The following UBQLN3 variants were observed in gnomAD, a reference collection of about 807,000 sequenced individuals.
UBQLN3 encodes ubiquilin 3.
In UBQLN3, 1 loss-of-function variant was observed where a neutral mutation model predicts 2.9. The ratio of observed to expected loss-of-function variants is 0.35; its 90% CI spans 0.12 to 1.66. The LOEUF is 1.66. Ranked by LOEUF, UBQLN3 falls within the 40% of genes most tolerant of loss-of-function variation. UBQLN3 has a pLI of 0.35. For missense variants in UBQLN3, 924 were observed against 816.5 expected (o/e 1.13, Z -1.61); for synonymous variants, 358 against 317.6 (o/e 1.13, Z -1.35).
chr11:5,507,970 C>A lies in UBQLN3; in HGVS notation c.1589G>T (p.Gly530Val). Residue 530 changes from glycine to valine, a missense_variant, in exon 2 of 2, where the codon GGT (glycine) becomes GTT (valine). Coordinates refer to ENST00000311659, the MANE Select transcript of UBQLN3 (RefSeq NM_017481.4). ...ALQALRQIEQ[G>V]LQVLATEAPR... ...TGCTTCAGTAGCTAGGACCTGTAGA[C>A]CCTGCTCAATCTGCCGCAGGGCTTG... 1 of 1,614,044 alleles carries A rather than the reference C, an allele frequency of 6.2e-7. No homozygotes were observed. Among genetic ancestry groups the A allele is most frequent in the African/African-American group, 1.3e-5 (1 of 75,064 alleles).
rs750358038 is a variant in UBQLN3 at position 5,508,643 on chromosome 11, A to T, written c.916T>A (p.Trp306Arg). The T allele has an allele frequency of 6.2e-7, 1 of 1,613,980 alleles. No individual in the cohort carries two copies. The highest frequency in any genetic ancestry group is 2.2e-5 in the East Asian group (1 of 44,858). The change falls in exon 2 of 2, where the codon TGG (tryptophan) becomes AGG (arginine). Residue 306 changes from tryptophan (W) to arginine (R), a missense_variant. Trp to Arg is a moderately radical substitution (Grantham distance 101). Transcript: ENST00000311659. The surrounding 1 kb of genome is among the most constrained non-coding windows in gnomAD (Gnocchi z 4.2). ...CCTGAGCCTCCATGTGTGGAAGTCC[A>T]GGGGTTGGGGAGAGGGTCACAATTC... ...MENCDPLPNP[W>R]TSTHGGSGSR...
In UBQLN3 at chr11:5,508,758, G is replaced by T. The variant is rs139419565; in HGVS notation, c.801C>A (p.Asn267Lys). The T allele has an allele frequency of 3.7e-6, 6 of 1,613,960 alleles. No homozygotes were observed. The highest frequency in any genetic ancestry group is 3.3e-5 in the South Asian group (3 of 91,088). Residue 267 changes from asparagine (N) to lysine (K), a missense_variant, in exon 2 of 2, where the codon AAC becomes AAA. Transcript: ENST00000311659. The surrounding 1 kb of genome is among the most constrained non-coding windows in gnomAD (Gnocchi z 4.2). ...TGCCGCCAAACTGCTCCTGGACTGC[G>T]TTAAGCATTGGGTCCATAATATCTG... ...MYTDIMDPMLNAVQEQFGGNP... is the reference protein window; with the variant it reads ...MYTDIMDPMLKAVQEQFGGNP...
In UBQLN3 at chr11:5,507,430, A is replaced by T. The variant is rs1469482222; in HGVS notation, c.*161T>A. On this transcript the variant is annotated 3_prime_UTR_variant, in exon 2 of 2. Transcript: ENST00000311659. ...GCACCTCCACTATGTTTTGGCCATT[A>T]GTCTTCCTCGTTGACTCTGGAACAA... 1.4e-6 allele frequency: 2 copies of T among 1,394,912 alleles called. No individual in the cohort carries two copies. Among genetic ancestry groups the T allele is most frequent in the East Asian group, 2.5e-5 (1 of 39,878 alleles). 86.4% of individuals were successfully genotyped at this position (1,394,912 alleles called of 1,614,324 possible). A position where few individuals can be genotyped will look rare whatever the true frequency, so the allele number is the denominator to read the frequency against.
chr11:5,508,034 T>C lies in UBQLN3; in HGVS notation c.1525A>G (p.Met509Val). 6.2e-7 allele frequency: 1 copy of C among 1,614,066 alleles called. No homozygotes were observed. The highest frequency in any genetic ancestry group is 1.1e-5 in the South Asian group (1 of 91,082). ...DEIQPQLPLL[M>V]HLQAAMANPR... ...TTTGCCATGGCTGCCTGAAGGTGCA[T>C]CAGCAGTGGCAGCTGTGGTTGTATC... Residue 509 changes from methionine to valine, a missense_variant, in exon 2 of 2, where the codon ATG (methionine) becomes GTG (valine). Coordinates refer to ENST00000311659, the MANE Select transcript of UBQLN3 (RefSeq NM_017481.4). The surrounding 1 kb of genome is among the most constrained non-coding windows in gnomAD (Gnocchi z 4.2).
Position 5,507,333 on chromosome 11 carries a change from A to G in UBQLN3, c.*258T>C. The G allele has an allele frequency of 2.3e-6, 1 of 430,302 alleles. No homozygotes were observed. The highest frequency in any genetic ancestry group is 4.2e-5 in the Admixed American group (1 of 24,062). The allele number at this position is 430,302 out of a possible 1,614,324, so 26.7% of individuals were successfully genotyped here. On this transcript the variant is annotated 3_prime_UTR_variant, in exon 2 of 2. Coordinates refer to ENST00000311659, the MANE Select transcript of UBQLN3 (RefSeq NM_017481.4). ...GGAAATTGGGTGTAATTGCATCTCA[A>G]GATAGGCATAAGCAGAGCTTAGACT...
rs1846414322 is a variant in UBQLN3 at position 5,508,218 on chromosome 11, C to A, written c.1341G>T (p.Gly447=). The A allele has an allele frequency of 1.9e-6, 3 of 1,614,150 alleles. No individual in the cohort carries two copies. The highest frequency in any genetic ancestry group is 1.7e-5 in the Admixed American group (1 of 60,030). The change falls in exon 2 of 2, where the codon GGG becomes GGT. Residue 447 remains glycine, a synonymous_variant. Coordinates refer to ENST00000311659, the MANE Select transcript of UBQLN3 (RefSeq NM_017481.4). The surrounding 1 kb of genome is among the most constrained non-coding windows in gnomAD (Gnocchi z 4.2). ...HSTNLPDLVS[G]LGDSANRVPF... ...GAACCCTGTTGGCAGAATCTCCCAG[C>A]CCCGAGACAAGATCAGGCAAGTTTG... is the stretch of plus-strand genomic sequence containing the variant.
At position 5,509,232 on chromosome 11, in the gene UBQLN3, G is replaced by A. The variant is rs1207817780; in HGVS notation, c.327C>T (p.Thr109=). 28 of 1,614,042 alleles carry A rather than the reference G, an allele frequency of 1.7e-5. No homozygotes were observed. The South Asian group carries it at 2.6e-4, about 15-fold the overall frequency. ...GNECPAASVP[T]QGPSPGSLPQ... is the part of the protein sequence containing the mutation. Reference sequence around the variant, plus strand: ...GGAGTGATCCAGGACTTGGGCCCTGGGTAGGGACAGAGGCAGCTGGGCACT... The same window carrying A: ...GGAGTGATCCAGGACTTGGGCCCTGAGTAGGGACAGAGGCAGCTGGGCACT... Residue 109 remains threonine, a synonymous_variant, in exon 2 of 2, where the codon ACC becomes ACT. Transcript: ENST00000311659.
rs1846428167 is a variant in UBQLN3 at position 5,508,851 on chromosome 11, G to GC, written c.707dup (p.Ser236ArgfsTer8). 8 of 1,614,090 alleles carry GC rather than the reference G, an allele frequency of 5.0e-6. No individual in the cohort carries two copies. The highest frequency in any genetic ancestry group is 6.8e-6 in the Non-Finnish European group (8 of 1,180,056). On this transcript the variant is annotated frameshift_variant, in exon 2 of 2. Transcript: ENST00000311659. LOFTEE classifies it low-confidence loss of function (END_TRUNC). This position sits in a 1 kb window ranked among gnomAD's most constrained non-coding sequence, Gnocchi z 4.2. The stretch of plus-strand genomic sequence containing the variant: ...CCAAGTTACTGAGCACCCGGTCCTG[G>GC]CTACGTATCATCTCCTGCATCATGG...
In UBQLN3 at chr11:5,508,191, T is replaced by G; in HGVS notation, c.1368A>C (p.Pro456=). 2.5e-6 allele frequency: 4 copies of G among 1,614,114 alleles called. No individual in the cohort carries two copies. Among genetic ancestry groups the G allele is most frequent in the Non-Finnish European group, 3.4e-6 (4 of 1,180,022 alleles). Residue 456 remains proline (P), a synonymous_variant, in exon 2 of 2, where the codon CCA becomes CCC. Coordinates refer to ENST00000311659, the MANE Select transcript of UBQLN3 (RefSeq NM_017481.4). The surrounding 1 kb of genome is among the most constrained non-coding windows in gnomAD (Gnocchi z 4.2). Reference sequence around the variant, plus strand: ...TGGGGGAAAAAGATAAGGGAGCAAATGGAACCCTGTTGGCAGAATCTCCCA... The same window carrying G: ...TGGGGGAAAAAGATAAGGGAGCAAAGGGAACCCTGTTGGCAGAATCTCCCA... ...SGLGDSANRV[P]FAPLSFSPTA... is the part of the protein sequence containing the mutation.
chr11:5,509,442 GTCT>G lies in UBQLN3; in HGVS notation c.114_116del (p.Asp39del). ...CCTTCAGCTGCTGGATAGTGCATGT[GTCT>G]GTAACTGAGAAATCCTCCTTGTCTT... On this transcript the variant is annotated inframe_deletion, in exon 2 of 2. Coordinates refer to ENST00000311659, the MANE Select transcript of UBQLN3 (RefSeq NM_017481.4). 1 of 1,614,206 alleles carries G rather than the reference GTCT, an allele frequency of 6.2e-7. No homozygotes were observed. Among genetic ancestry groups the G allele is most frequent in the Non-Finnish European group, 8.5e-7 (1 of 1,180,006 alleles).
rs548262594 is a variant in UBQLN3, at chr11:5,509,241, A to T, written c.318T>A (p.Ser106=). The T allele has an allele frequency of 1.2e-6, 2 of 1,614,186 alleles. No homozygotes were observed. Among genetic ancestry groups the T allele is most frequent in the African/African-American group, 2.7e-5 (2 of 75,048 alleles). Residue 106 remains serine (S), a synonymous_variant, in exon 2 of 2, where the codon TCT becomes TCA. Transcript: ENST00000311659. Reference sequence around the variant, plus strand: ...CAGGACTTGGGCCCTGGGTAGGGACAGAGGCAGCTGGGCACTCATTGCCCA... The same window carrying T: ...CAGGACTTGGGCCCTGGGTAGGGACTGAGGCAGCTGGGCACTCATTGCCCA... ...RAMGNECPAA[S]VPTQGPSPGS...
chr11:5,509,035 G>A lies in UBQLN3; in HGVS notation c.524C>T (p.Pro175Leu). ...PEFVTQLIDD[P>L]FIPGLLSNTG... The stretch of plus-strand genomic sequence containing the variant: ...GTTGGACAGCAGACCCGGGATGAAG[G>A]GGTCATCAATGAGCTGAGTCACAAA... The change falls in exon 2 of 2, where the codon CCC (proline) becomes CTC (leucine). Residue 175 changes from proline (P) to leucine (L), a missense_variant. Pro to Leu is a moderately conservative substitution (Grantham distance 98). Coordinates refer to ENST00000311659, the MANE Select transcript of UBQLN3 (RefSeq NM_017481.4). The A allele has an allele frequency of 6.2e-7, 1 of 1,614,162 alleles. No homozygotes were observed. Among genetic ancestry groups the A allele is most frequent in the African/African-American group, 1.3e-5 (1 of 75,030 alleles).
In UBQLN3 at chr11:5,508,533, G is replaced by C. The variant is rs372983903; in HGVS notation, c.1026C>G (p.Leu342=). Residue 342 remains leucine, a synonymous_variant, in exon 2 of 2, where the codon CTC becomes CTG. Coordinates refer to ENST00000311659, the MANE Select transcript of UBQLN3 (RefSeq NM_017481.4). This position sits in a 1 kb window ranked among gnomAD's most constrained non-coding sequence, Gnocchi z 4.2. ...RFPNFLGIIR[L]YDYLQQLHEN... ...CGTGTAATTGCTGGAGATAGTCATA[G>C]AGCCTTATAATACCCAGAAAGTTTG... 11 of 1,614,004 alleles carry C rather than the reference G, an allele frequency of 6.8e-6. No individual in the cohort carries two copies. The highest frequency in any genetic ancestry group is 9.3e-6 in the Non-Finnish European group (11 of 1,180,022).
Position 5,508,789 on chromosome 11 carries a change from A to G in UBQLN3, c.770T>C (p.Met257Thr). 4 of 1,614,192 alleles carry G rather than the reference A, an allele frequency of 2.5e-6. No individual in the cohort carries two copies. The highest frequency in any genetic ancestry group is 1.1e-5 in the South Asian group (1 of 91,080). Residue 257 changes from methionine to threonine, a missense_variant, in exon 2 of 2, where the codon ATG becomes ACG. Met to Thr is a moderately conservative substitution (Grantham distance 81). Coordinates refer to ENST00000311659, the MANE Select transcript of UBQLN3 (RefSeq NM_017481.4). This position sits in a 1 kb window ranked among gnomAD's most constrained non-coding sequence, Gnocchi z 4.2. ...IPGGYNVLCT[M>T]YTDIMDPMLN... is the part of the protein sequence containing the mutation. ...CATTGGGTCCATAATATCTGTGTAC[A>G]TAGTGCAAAGCACATTGTAGCCACC...
In UBQLN3 at chr11:5,508,834, C is replaced by T. The variant is rs746296471; in HGVS notation, c.725G>A (p.Ser242Asn). ...EMIRSQDRVLSNLESIPGGYN... is the reference protein window; with the variant it reads ...EMIRSQDRVLNNLESIPGGYN... ...GCCACCAGGAATGCTCTCCAAGTTA[C>T]TGAGCACCCGGTCCTGGCTACGTAT... Residue 242 changes from serine (S) to asparagine (N), a missense_variant, in exon 2 of 2, where the codon AGT becomes AAT. Coordinates refer to ENST00000311659, the MANE Select transcript of UBQLN3 (RefSeq NM_017481.4). The surrounding 1 kb of genome is among the most constrained non-coding windows in gnomAD (Gnocchi z 4.2). 4 of 1,614,086 alleles carry T rather than the reference C, an allele frequency of 2.5e-6. No homozygotes were observed. Among genetic ancestry groups the T allele is most frequent in the Non-Finnish European group, 3.4e-6 (4 of 1,180,054 alleles).
chr11:5,509,142 G>C lies in UBQLN3; in HGVS notation c.417C>G (p.Gly139=). Residue 139 remains glycine, a synonymous_variant, in exon 2 of 2, where the codon GGC becomes GGG. Coordinates refer to ENST00000311659, the MANE Select transcript of UBQLN3 (RefSeq NM_017481.4). ...PPAFSLGLLT[G]LSRLGLAYRG... The stretch of plus-strand genomic sequence containing the variant: ...GATAGGCCAAGCCCAGCCTACTGAG[G>C]CCTGTGAGGAGACCTAAGCTAAAGG... 1 of 1,614,154 alleles carries C rather than the reference G, an allele frequency of 6.2e-7. No homozygotes were observed. Among genetic ancestry groups the C allele is most frequent in the East Asian group, 2.2e-5 (1 of 44,860 alleles).
chr11:5,508,571 T>G lies in UBQLN3; in HGVS notation c.988A>C (p.Arg330=), dbSNP rs757182265. The G allele has an allele frequency of 2.4e-5, 39 of 1,614,036 alleles. No homozygotes were observed. The highest frequency in any genetic ancestry group is 1.2e-4 in the Admixed American group (7 of 59,994). The stretch of plus-strand genomic sequence containing the variant: ...CCCAGAAAGTTTGGAAACCTATTTC[T>G]AATGTCAGGTGCATCCTGATCCCCA... ...QDGDQDAPDI[R]NRFPNFLGII... Residue 330 remains arginine (R), a synonymous_variant, in exon 2 of 2, where the codon AGA becomes CGA. Transcript: ENST00000311659. The surrounding 1 kb of genome is among the most constrained non-coding windows in gnomAD (Gnocchi z 4.2).
At position 5,508,461 on chromosome 11, in the gene UBQLN3, G is replaced by A. The variant is rs1846419429; in HGVS notation, c.1098C>T (p.Ala366=). 6.2e-7 allele frequency: 1 copy of A among 1,611,550 alleles called. No homozygotes were observed. Among genetic ancestry groups the A allele is most frequent in the Non-Finnish European group, 8.5e-7 (1 of 1,178,644 alleles). ...GTGGTGGTTCCTGGCTTTGGCTGAG[G>A]GCAGATGCAGTCCCCTGTAGATAAG... is the stretch of plus-strand genomic sequence containing the variant. ...LGTYLQGTAS[A]LSQSQEPPPS... Residue 366 remains alanine (A), a synonymous_variant, in exon 2 of 2, where the codon GCC becomes GCT. Coordinates refer to ENST00000311659, the MANE Select transcript of UBQLN3 (RefSeq NM_017481.4). This position sits in a 1 kb window ranked among gnomAD's most constrained non-coding sequence, Gnocchi z 4.2.
chr11:5,508,458 G>A lies in UBQLN3; in HGVS notation c.1101C>T (p.Leu367=), dbSNP rs777493069. The A allele has an allele frequency of 6.2e-7, 1 of 1,609,906 alleles. No homozygotes were observed. Among genetic ancestry groups the A allele is most frequent in the South Asian group, 1.1e-5 (1 of 90,488 alleles). The change falls in exon 2 of 2, where the codon CTC becomes CTT. Residue 367 remains leucine (L), a synonymous_variant. Transcript: ENST00000311659. This position sits in a 1 kb window ranked among gnomAD's most constrained non-coding sequence, Gnocchi z 4.2. ...ATGGTGGTGGTTCCTGGCTTTGGCT[G>A]AGGGCAGATGCAGTCCCCTGTAGAT... ...GTYLQGTASA[L]SQSQEPPPSV... is the part of the protein sequence containing the mutation.
Sources: gnomAD v4.1 joint callset for allele counts on GRCh38, gnomAD v4.1.1 for gene constraint, Gnocchi (gnomAD v3.1) non-coding constraint, MANE v1.5 for transcripts, NCBI Gene and HGNC (gene_info 2026-07-23, HGNC 2026-07-21) for gene names.